Variants in ACCSL observed in about 807,000 individuals in gnomAD.
ACCSL encodes the protein 1-aminocyclopropane-1-carboxylate synthase homolog (inactive) like.
In ACCSL, 55 loss-of-function variants were observed where a neutral mutation model predicts 61.7. The observed-to-expected ratio is 0.89, with a 90% CI of 0.72 to 1.12. ACCSL has a LOEUF of 1.12. Among genes scored for constraint, ACCSL ranks in the 50% most tolerant of loss-of-function variants. The pLI, the probability that ACCSL is intolerant of heterozygous loss-of-function variation, is 0.00. For missense variants in ACCSL, 632 were observed against 698.0 expected, an observed-to-expected ratio of 0.91 and a Z score of 1.07; for synonymous variants, 258 against 264.3, an observed-to-expected ratio of 0.98 and a Z score of 0.23.
At chr11:44,017,731 C>G in the ACCSL span, among the ~76,000 whole-genome samples, 3 of 152,142 alleles carry the variant, frequency 2.0e-5, no homozygotes, top group African/African-American at 7.2e-5. Flanking sequence ...TCCTGCTGTA[C>G]AGGGTTTTGG....
chr11:43,949,751 G>T, the ACCSL span, among the ~76,000 whole-genome samples: 3 of 152,140 alleles, frequency 2.0e-5, no homozygotes, highest in African/African-American at 7.2e-5. Context: ...GAAGGTGGAG[G>T]TTGCAGTGAG....
the ACCSL span, among the ~76,000 whole-genome samples, chr11:43,956,620 T>C: frequency 2.0e-5 from 3 of 152,100 alleles, no homozygotes; most frequent in African/African-American, 4.8e-5. Context: ...AGGGCTTCAC[T>C]GTGTTAGCCA....
At chr11:43,922,563 G>A in the ACCSL span, among the ~76,000 whole-genome samples, 1 of 152,342 alleles carries the variant, frequency 6.6e-6, no homozygotes, top group African/African-American at 2.4e-5. Flanking sequence ...TGGACTAGCA[G>A]TTGCCCATTT....
chr11:43,942,808 G>A, the ACCSL span: 1 of 881,118 alleles, frequency 1.1e-6, no homozygotes, highest in Non-Finnish European at 1.4e-6. Flanking sequence ...CGCCCGGCGA[G>A]CCCCCGGCTG....
the ACCSL span, among the ~76,000 whole-genome samples, chr11:43,946,089 T>C: frequency 7.3e-4 from 111 of 152,206 alleles, 1 homozygote; most frequent in South Asian, 5.2e-3. Context: ...GTTGTTGTTG[T>C]TTGTTTGTTT....
At chr11:44,009,923 T>C in the ACCSL span, among the ~76,000 whole-genome samples, 1 of 152,212 alleles carries the variant, frequency 6.6e-6, no homozygotes. Flanking sequence ...CTGCTTCTCC[T>C]GGGGATAAAG....
the ACCSL span, among the ~76,000 whole-genome samples, chr11:43,966,197 G>A: frequency 1.3e-3 from 204 of 152,200 alleles, no homozygotes; most frequent in African/African-American, 4.4e-3. Flanking sequence ...AGGCCAAGGC[G>A]GGCAGATCAC....
chr11:44,018,854 A>G, the ACCSL span, among the ~76,000 whole-genome samples: 1 of 152,240 alleles, frequency 6.6e-6, no homozygotes, highest in Non-Finnish European at 1.5e-5. Context: ...CTTAAAATAT[A>G]CAATTCAGCA....
the ACCSL span, chr11:43,942,868 C>A: frequency 8.0e-7 from 1 of 1,253,222 alleles, no homozygotes; most frequent in Non-Finnish European, 1.0e-6. Context: ...AGAGCCCCGG[C>A]GCCCCGCCGC....
intron 1 of ACCSL, among the ~76,000 whole-genome samples, chr11:44,049,419 C>CAAAA (rs33944147): frequency 1.5e-4 from 5 of 33,944 alleles, no homozygotes; most frequent in Non-Finnish European, 2.1e-4. Context: ...GACCCTGTCT[C>CAAAA]AAAAAAAAAA....
At chr11:43,965,764 T>G in the ACCSL span, among the ~76,000 whole-genome samples, 1 of 152,222 alleles carries the variant, frequency 6.6e-6, no homozygotes, top group East Asian at 1.9e-4. Flanking sequence ...ATGTAGATCA[T>G]GAACAGAATT....
the ACCSL span, among the ~76,000 whole-genome samples, chr11:43,928,462 T>G: frequency 1.3e-5 from 2 of 152,144 alleles, no homozygotes. Context: ...ATGACCACAG[T>G]CAGACTTCTT....
At chr11:43,941,216 A>C in the ACCSL span, among the ~76,000 whole-genome samples, 1 of 152,054 alleles carries the variant, frequency 6.6e-6, no homozygotes, top group Admixed American at 6.6e-5. Context: ...TAAGCATCTC[A>C]CCACCTGCAT....
the ACCSL span, among the ~76,000 whole-genome samples, chr11:44,024,462 TG>T: frequency 6.6e-6 from 1 of 151,804 alleles, no homozygotes; most frequent in Non-Finnish European, 1.5e-5. Context: ...TGTGTGTGTG[TG>T]TGTGTGTGTG....
the ACCSL span, among the ~76,000 whole-genome samples, chr11:43,973,355 A>T: frequency 6.6e-6 from 1 of 152,222 alleles, no homozygotes; most frequent in Non-Finnish European, 1.5e-5. Context: ...TGGATTCCAT[A>T]TGCAAATACA....
At chr11:43,974,501 C>T in the ACCSL span, among the ~76,000 whole-genome samples, 6 of 152,278 alleles carry the variant, frequency 3.9e-5, no homozygotes, top group South Asian at 1.0e-3. Context: ...TTTTCAAAGA[C>T]CCCTTTTCTA....
At chr11:43,948,304 G>C in the ACCSL span, among the ~76,000 whole-genome samples, 1 of 152,134 alleles carries the variant, frequency 6.6e-6, no homozygotes, top group Non-Finnish European at 1.5e-5. Context: ...AAAAATAGCA[G>C]AGGGGATAAA....
chr11:44,033,571 C>G, the ACCSL span, among the ~76,000 whole-genome samples: 1 of 152,174 alleles, frequency 6.6e-6, no homozygotes, highest in Non-Finnish European at 1.5e-5. Flanking sequence ...TGATCTCCCC[C>G]ACAGCACCAG....
the ACCSL span, among the ~76,000 whole-genome samples, chr11:43,978,875 A>C: frequency 1.4e-5 from 2 of 143,782 alleles, no homozygotes; most frequent in Admixed American, 7.4e-5. Flanking sequence ...CTCCAGCATC[A>C]ACTGGTCGGG....
Sources: allele counts gnomAD v4.1 joint callset (sites outside exome capture counted in the v4.1 genomes callset), GRCh38; gene constraint gnomAD v4.1.1; transcripts MANE v1.5; gene names NCBI Gene and HGNC (gene_info 2026-07-23, HGNC 2026-07-21).